ANKH: variants seen among roughly 807,000 people sequenced by gnomAD.
ANKH encodes the protein ANKH inorganic pyrophosphate transport regulator, also known as mineralization regulator ANKH.
A neutral mutation model predicts 49.0 loss-of-function variants in ANKH; 15 were observed. The ratio of observed to expected loss-of-function variants is 0.31; its 90% CI spans 0.20 to 0.47. The LOEUF is 0.47. ANKH is among the 20% of genes least tolerant of loss of function. The probability of loss-of-function intolerance (pLI) is 1.00; values close to 1 mark genes in which losing one functional copy is unlikely to be tolerated. For missense variants in ANKH, 429 were observed against 652.0 expected (o/e 0.66, Z 3.72); for synonymous variants, 273 against 260.0 (o/e 1.05, Z -0.48).
intron 1 of ANKH, among the ~76,000 whole-genome samples, chr5:14,864,633 C>T (rs1243245255): frequency 6.6e-6 from 1 of 152,030 alleles, no homozygotes; most frequent in Non-Finnish European, 1.5e-5. Flanking sequence ...GGCATAAAGC[C>T]CAAGGCAGTC....
intron 8 of ANKH, among the ~76,000 whole-genome samples, chr5:14,740,113 T>G (rs1301808025): frequency 4.6e-5 from 7 of 152,088 alleles, no homozygotes; most frequent in African/African-American, 1.7e-4. Context: ...CGGAAAGATG[T>G]TAAACAGTAT....
intron 1 of ANKH, among the ~76,000 whole-genome samples, chr5:14,832,539 G>A (rs1005984598): frequency 6.6e-6 from 1 of 152,180 alleles, no homozygotes; most frequent in Non-Finnish European, 1.5e-5. Flanking sequence ...CGGAGTTATA[G>A]AACCATTCAA....
intron 8 of ANKH, among the ~76,000 whole-genome samples, chr5:14,729,822 A>G (rs895342032): frequency 3.3e-5 from 5 of 152,224 alleles, no homozygotes; most frequent in African/African-American, 1.2e-4. Context: ...AGTGTGTCCA[A>G]GAGAAAGACC....
chr5:14,721,929 CAAAA>C (rs35821509), intron 8 of ANKH, among the ~76,000 whole-genome samples: 6 of 59,464 alleles, frequency 1.0e-4, no homozygotes, highest in African/African-American at 4.7e-4. Flanking sequence ...GACTCCGTCT[CAAAA>C]AAAAAAAAAA....
intron 8 of ANKH, among the ~76,000 whole-genome samples, chr5:14,732,437 C>A (rs1468630884): frequency 6.6e-6 from 1 of 152,124 alleles, no homozygotes; most frequent in Non-Finnish European, 1.5e-5. Flanking sequence ...CCCCCACCAC[C>A]AAAACCCACA....
At chr5:14,787,199 A>G (rs1474928389) in intron 1 of ANKH, among the ~76,000 whole-genome samples, 1 of 152,208 alleles carries the variant, frequency 6.6e-6, no homozygotes, top group Non-Finnish European at 1.5e-5. Flanking sequence ...CTGTAATCCC[A>G]GCTACTTGGG....
intron 1 of ANKH, among the ~76,000 whole-genome samples, chr5:14,823,986 A>T (rs900712812): frequency 6.6e-5 from 10 of 152,108 alleles, no homozygotes; most frequent in African/African-American, 2.4e-4. Flanking sequence ...CTGCCCAGAT[A>T]AACAGGCAGC....
chr5:14,834,919 C>G (rs1313070183), intron 1 of ANKH, among the ~76,000 whole-genome samples: 1 of 152,196 alleles, frequency 6.6e-6, no homozygotes. Context: ...ATAAAGCACT[C>G]TGAGCAGTCA....
chr5:14,805,437 ATG>A (rs1337395956), intron 1 of ANKH, among the ~76,000 whole-genome samples: 133 of 109,086 alleles, frequency 1.2e-3, no homozygotes, highest in Middle Eastern at 8.6e-3. Context: ...AAACATATAT[ATG>A]TGTGTGTGTA....
In ANKH at chr5:14,713,415, A is replaced by C; in HGVS notation, c.1265+129T>G. 1 of 1,380,184 alleles carries C rather than the reference A, an allele frequency of 7.2e-7. No individual in the cohort carries two copies. The highest frequency in any genetic ancestry group is 1.0e-6 in the Non-Finnish European group (1 of 993,764). 85.5% of individuals were successfully genotyped at this position (1,380,184 alleles called of 1,614,324 possible). ...CACCTGGTGCCTGGGCAGACACACA[A>C]AACATCATTCTGAATTTCCGATTCT... is the stretch of plus-strand genomic sequence containing the variant. On this transcript the variant is annotated intron_variant, in intron 10 of 11. Transcript: ENST00000284268. This position sits in a 1 kb window ranked among gnomAD's most constrained non-coding sequence, Gnocchi z 4.4.
chr5:14,734,018 C>T (rs1738089401), intron 8 of ANKH, among the ~76,000 whole-genome samples: 1 of 152,190 alleles, frequency 6.6e-6, no homozygotes, highest in African/African-American at 2.4e-5. Flanking sequence ...CAATGAAGCC[C>T]TACTGAGTGA....
intron 1 of ANKH, chr5:14,798,090 T>G: frequency 4.5e-6 from 7 of 1,570,168 alleles, no homozygotes; most frequent in Non-Finnish European, 6.1e-6. Flanking sequence ...ACCTCCAAAT[T>G]CTCCTTTCTC....
intron 9 of ANKH, among the ~76,000 whole-genome samples, chr5:14,714,504 A>G (rs569356676): frequency 7.2e-5 from 11 of 152,232 alleles, no homozygotes; most frequent in African/African-American, 2.4e-4. Flanking sequence ...CTCTTGGAGG[A>G]GGAAGTGCTC....
At chr5:14,718,132 T>C (rs145292997) in intron 8 of ANKH, among the ~76,000 whole-genome samples, 87 of 152,216 alleles carry the variant, frequency 5.7e-4, no homozygotes, top group Non-Finnish European at 1.0e-3. Flanking sequence ...AGTCTCCCAA[T>C]GAAGCAGCCG....
intron 1 of ANKH, chr5:14,871,134 A>G (rs1203436039): frequency 1.5e-6 from 1 of 666,402 alleles, no homozygotes; most frequent in Admixed American, 2.0e-5. Context: ...AGTCTTTTTA[A>G]CATTTTCCAG....
At position 14,712,946 on chromosome 5, in the gene ANKH, G is replaced by C. The variant is rs759782902; in HGVS notation, c.1293C>G (p.Gly431=). 6.2e-7 allele frequency: 1 copy of C among 1,613,466 alleles called. No homozygotes were observed. The highest frequency in any genetic ancestry group is 8.5e-7 in the Non-Finnish European group (1 of 1,179,866). ...CTCCCACAAAGCCCGCCAGGAGGGA[G>C]CCCACGCCCAGGGTCGCACCGTGCA... ...LGVHGATLGV[G]SLLAGFVGES... The change falls in exon 11 of 12, where the codon GGC becomes GGG. Residue 431 remains glycine, a synonymous_variant. Transcript: ENST00000284268.
chr5:14,747,851 A>C (rs1738587852), intron 6 of ANKH, among the ~76,000 whole-genome samples: 1 of 152,064 alleles, frequency 6.6e-6, no homozygotes, highest in South Asian at 2.1e-4. Flanking sequence ...CCTTCACCTC[A>C]TCGCTCCCCA....
chr5:14,862,762 C>T (rs1024663272), intron 1 of ANKH, among the ~76,000 whole-genome samples: 2 of 152,176 alleles, frequency 1.3e-5, no homozygotes, highest in Admixed American at 6.5e-5. Context: ...TTTTCTTAAC[C>T]AGGATCTAAA....
intron 8 of ANKH, among the ~76,000 whole-genome samples, chr5:14,736,943 TCCC>T (rs1350200685): frequency 2.6e-5 from 4 of 152,064 alleles, no homozygotes; most frequent in African/African-American, 9.7e-5. Flanking sequence ...TGGCACTAAC[TCCC>T]CAAAGTACAG....
Sources: gnomAD v4.1 joint callset for allele counts (sites outside exome capture counted in the v4.1 genomes callset) on GRCh38, gnomAD v4.1.1 for gene constraint, Gnocchi (gnomAD v3.1) non-coding constraint, MANE v1.5 for transcripts, NCBI Gene and HGNC (gene_info 2026-07-23, HGNC 2026-07-21) for gene names.